The following VANGL2 variants were observed in gnomAD, a reference collection of about 807,000 sequenced individuals.
VANGL2 encodes the protein VANGL planar cell polarity protein 2.
A neutral mutation model predicts 50.2 loss-of-function variants in VANGL2; 14 were observed. The ratio of observed to expected loss-of-function variants is 0.28; its 90% CI spans 0.18 to 0.44. The LOEUF is 0.44. Ranked by LOEUF, VANGL2 falls within the 20% of genes least tolerant of loss-of-function variation. The pLI is 1.00. For missense variants in VANGL2, 533 were observed against 701.5 expected (o/e 0.76, Z 2.71); for synonymous variants, 295 against 297.2 (o/e 0.99, Z 0.08).
intron 3 of VANGL2, among the ~76,000 whole-genome samples, chr1:160,416,654 T>C (rs1210052933): frequency 6.7e-6 from 1 of 149,304 alleles, no homozygotes; most frequent in East Asian, 2.0e-4. Flanking sequence ...ATGGGAAGAG[T>C]AGATGGAGAA....
At chr1:160,412,070 C>T (rs183233355) in intron 1 of VANGL2, among the ~76,000 whole-genome samples, 3 of 152,178 alleles carry the variant, frequency 2.0e-5, no homozygotes, top group African/African-American at 4.8e-5. Flanking sequence ...GTGATCCTTA[C>T]GGCTACCCCA....
chr1:160,422,781 C>T lies in VANGL2; in HGVS notation c.1074-1271C>T, dbSNP rs570032633. On this transcript the variant is annotated intron_variant, in intron 6 of 7. Transcript: ENST00000368061. The stretch of plus-strand genomic sequence containing the variant: ...CCTCCAGTTCCCACTTTCACTCCAG[C>T]GCCACATTTTAGGCATCCTGTTGAG... Among the ~76,000 whole-genome samples the T allele has an allele frequency of 3.3e-5, 5 of 152,262 alleles. No individual in the cohort carries two copies. The East Asian group carries it at 5.8e-4, about 18-fold the overall frequency.
intron 7 of VANGL2, 44 bp downstream of exon 7, chr1:160,424,327 C>T (rs376273960): frequency 1.2e-4 from 187 of 1,569,266 alleles, no homozygotes; most frequent in Non-Finnish European, 1.5e-4. Context: ...TTCCCCAGCT[C>T]CTCTTCTTTC....
intron 3 of VANGL2, among the ~76,000 whole-genome samples, chr1:160,418,237 T>C (rs1383240412): frequency 6.6e-6 from 1 of 152,150 alleles, no homozygotes; most frequent in Non-Finnish European, 1.5e-5. Context: ...CCAGAATTAA[T>C]GTTAATGTTT....
In VANGL2 at chr1:160,420,414, C is replaced by G; in HGVS notation, c.804C>G (p.Ile268Met). Reference protein sequence around the residue: ...SRFYNVGHLSIQRVAVWILEK... With the variant: ...SRFYNVGHLSMQRVAVWILEK... ...CCTCCTGCCGTCTCCCCCACAGCAT[C>G]CAGCGCGTGGCAGTGTGGATCCTGG... The change falls in exon 5 of 8, where the codon ATC becomes ATG. Residue 268 changes from isoleucine (I) to methionine (M), a missense_variant. By Grantham distance (10) the Ile-to-Met change is conservative. Coordinates refer to ENST00000368061, the MANE Select transcript of VANGL2 (RefSeq NM_020335.3). The G allele has an allele frequency of 6.2e-7, 1 of 1,614,050 alleles. No homozygotes were observed. The highest frequency in any genetic ancestry group is 8.5e-7 in the Non-Finnish European group (1 of 1,180,004).
rs561568879 is a variant in VANGL2 at position 160,419,813 on chromosome 1, C to A, written c.800+204C>A. On this transcript the variant is annotated intron_variant, in intron 4 of 7. Coordinates refer to ENST00000368061, the MANE Select transcript of VANGL2 (RefSeq NM_020335.3). This position sits in a 1 kb window ranked among gnomAD's most constrained non-coding sequence, Gnocchi z 5.8. Reference sequence around the variant, plus strand: ...CAGGTTCATGTACACGGTCTTGGGGCAAGATCAGTTGGGAGTTATGAGATG... The same window carrying A: ...CAGGTTCATGTACACGGTCTTGGGGAAAGATCAGTTGGGAGTTATGAGATG... 6.9e-6 allele frequency among the ~76,000 whole-genome samples: 1 copy of A among 145,326 alleles called. No individual in the cohort carries two copies. Among genetic ancestry groups the A allele is most frequent in the African/African-American group, 2.6e-5 (1 of 38,520 alleles).
chr1:160,416,212 C>T (rs57840242), intron 3 of VANGL2, 30 bp downstream of exon 3: 7 of 1,613,574 alleles, frequency 4.3e-6, no homozygotes, highest in Admixed American at 3.3e-5. Flanking sequence ...TGGTCCAGAC[C>T]GGGCATTTTC....
intron 1 of VANGL2, among the ~76,000 whole-genome samples, chr1:160,406,164 C>T (rs74123191): frequency 0.092 from 13,995 of 152,154 alleles, 955 homozygotes; most frequent in African/African-American, 0.2. Flanking sequence ...AAAAGGGGAG[C>T]GACTCACCTG....
intron 1 of VANGL2, among the ~76,000 whole-genome samples, chr1:160,410,524 G>T (rs1233093869): frequency 6.6e-6 from 1 of 152,122 alleles, no homozygotes; most frequent in Non-Finnish European, 1.5e-5. Flanking sequence ...AGCTGCCTGC[G>T]TCTGGTCATC....
rs574843412 is a variant in VANGL2, at chr1:160,407,410, C to T, written c.-191+6541C>T. On this transcript the variant is annotated intron_variant, in intron 1 of 7. Coordinates refer to ENST00000368061, the MANE Select transcript of VANGL2 (RefSeq NM_020335.3). Reference sequence around the variant, plus strand: ...ATCCCCAGTCACACTGCATCTCACACCCTGAGGCCCACTCTACCACTTTCC... The same window carrying T: ...ATCCCCAGTCACACTGCATCTCACATCCTGAGGCCCACTCTACCACTTTCC... 3.3e-3 allele frequency among the ~76,000 whole-genome samples: 510 copies of T among 152,272 alleles called. 3 individuals carry two copies. The highest frequency in any genetic ancestry group is 0.012 in the African/African-American group (488 of 41,548).
In VANGL2 at chr1:160,421,122, C is replaced by T. The variant is rs1376749581; in HGVS notation, c.1008C>T (p.Asn336=). 4.2e-5 allele frequency: 68 copies of T among 1,614,016 alleles called. No individual in the cohort carries two copies. Among genetic ancestry groups the T allele is most frequent in the Non-Finnish European group, 5.7e-5 (67 of 1,180,036 alleles). ...CAGCGGCAGCTCGGAGGCGGGACAA[C>T]AGTCACAATGAGTACTACTATGAGG... ...VIAAAARRRD[N]SHNEYYYEEA... is the part of the protein sequence containing the mutation. The change falls in exon 6 of 8, where the codon AAC becomes AAT. Residue 336 remains asparagine (N), a synonymous_variant. Coordinates refer to ENST00000368061, the MANE Select transcript of VANGL2 (RefSeq NM_020335.3).
rs1010950196 is a variant in VANGL2, at chr1:160,425,952, C to A, written c.*574C>A. 5.2e-5 allele frequency: 8 copies of A among 152,654 alleles called. No individual in the cohort carries two copies. The highest frequency in any genetic ancestry group is 1.7e-4 in the African/African-American group (7 of 41,440). The allele number at this position is 152,654 out of a possible 1,614,324, so 9.5% of individuals were successfully genotyped here. A position where few individuals can be genotyped will look rare whatever the true frequency, so the allele number is the denominator to read the frequency against. On this transcript the variant is annotated 3_prime_UTR_variant, in exon 8 of 8. Coordinates refer to ENST00000368061, the MANE Select transcript of VANGL2 (RefSeq NM_020335.3). ...GCCACACAGCCCGAGTTAGAAATCT[C>A]CTTGCTAGGAGCATTTGCTTCCACA...
At chr1:160,417,817 TCAGTTC>T in intron 3 of VANGL2, among the ~76,000 whole-genome samples, 2 of 152,290 alleles carry the variant, frequency 1.3e-5, no homozygotes, top group Middle Eastern at 6.8e-3. Flanking sequence ...CTTGGGTGCC[TCAGTTC>T]ATGCCATTCC....
rs111892045 is a variant in VANGL2, at chr1:160,410,675, T to TACACACAC, written c.-190-4956_-190-4949dup. 1.7e-3 allele frequency among the ~76,000 whole-genome samples: 249 copies of TACACACAC among 143,364 alleles called. 1 individual carries two copies. Among genetic ancestry groups the TACACACAC allele is most frequent in the African/African-American group, 5.7e-3 (227 of 39,812 alleles). 94.1% of individuals were successfully genotyped at this position (143,364 alleles called of 152,430 possible). On this transcript the variant is annotated intron_variant, in intron 1 of 7. Transcript: ENST00000368061. ...TTTTGGCCAACACCCACCCCCCTTA[T>TACACACAC]ACACACACACACACACACACACACG...
In VANGL2 at chr1:160,419,592, C is replaced by T; in HGVS notation, c.783C>T (p.Tyr261=). The change falls in exon 4 of 8, where the codon TAC becomes TAT. Residue 261 remains tyrosine, a synonymous_variant. Transcript: ENST00000368061. This position sits in a 1 kb window ranked among gnomAD's most constrained non-coding sequence, Gnocchi z 5.8. ...VRSTDGASRF[Y]NVGHLSIQRV... ...CCACCGACGGCGCCAGCCGCTTCTA[C>T]AACGTTGGCCATCTCAGGTACTAGC... is the stretch of plus-strand genomic sequence containing the variant. The T allele has an allele frequency of 6.3e-7, 1 of 1,599,272 alleles. No individual in the cohort carries two copies. Among genetic ancestry groups the T allele is most frequent in the Non-Finnish European group, 8.5e-7 (1 of 1,179,884 alleles).
At chr1:160,420,783 C>T (rs1651244043) in intron 5 of VANGL2, among the ~76,000 whole-genome samples, 1 of 152,224 alleles carries the variant, frequency 6.6e-6, no homozygotes, top group South Asian at 2.1e-4. Context: ...CTCTCATCAG[C>T]CCTGGTCTAA....
At chr1:160,415,599 C>T (rs1651025253) in intron 1 of VANGL2, 49 bp from the exon 2 acceptor site, 1 of 566,366 alleles carries the variant, frequency 1.8e-6, no homozygotes, top group Admixed American at 3.0e-5. Flanking sequence ...TCTGCCCTGA[C>T]CCCACAGGGA....
rs774514162 is a variant in VANGL2, at chr1:160,419,493, C to T, written c.684C>T (p.Phe228=). 18 of 1,604,900 alleles carry T rather than the reference C, an allele frequency of 1.1e-5. No individual in the cohort carries two copies. Among genetic ancestry groups the T allele is most frequent in the East Asian group, 6.7e-5 (3 of 44,878 alleles). ...FAVSLVDALL[F]VHYLAVVLLE... ...TGTCGCTGGTGGACGCCCTTCTTTT[C>T]GTGCACTACCTGGCCGTGGTCCTGC... is the stretch of plus-strand genomic sequence containing the variant. Residue 228 remains phenylalanine, a synonymous_variant, in exon 4 of 8, where the codon TTC becomes TTT. Coordinates refer to ENST00000368061, the MANE Select transcript of VANGL2 (RefSeq NM_020335.3). This position sits in a 1 kb window ranked among gnomAD's most constrained non-coding sequence, Gnocchi z 5.8.
intron 4 of VANGL2, 76 bp from the exon 5 acceptor site, chr1:160,420,335 T>C: frequency 6.3e-7 from 1 of 1,593,148 alleles, no homozygotes; most frequent in South Asian, 1.1e-5. Flanking sequence ...CCTGCCAACC[T>C]GCCCTAATGT....
Sources: allele counts gnomAD v4.1 joint callset (sites outside exome capture counted in the v4.1 genomes callset), GRCh38; gene constraint gnomAD v4.1.1; non-coding constraint Gnocchi (gnomAD v3.1); transcripts MANE v1.5; gene names NCBI Gene and HGNC (gene_info 2026-07-23, HGNC 2026-07-21).